Variants in INPP4B observed in about 807,000 individuals in gnomAD.
INPP4B encodes inositol polyphosphate 4-phosphatase type II.
Under a neutral mutation model 122.5 loss-of-function variants are expected in INPP4B, and 55 were observed. The ratio of observed to expected loss-of-function variants is 0.45; its 90% confidence interval spans 0.36 to 0.56. The LOEUF (loss-of-function observed/expected upper bound fraction) is 0.56, where lower values mean the gene tolerates loss of function less well. Among genes scored for constraint, INPP4B ranks in the 20% least tolerant of loss-of-function variants. The probability of loss-of-function intolerance (pLI) is 0.00; values close to 1 mark genes in which losing one functional copy is unlikely to be tolerated. For synonymous variants in INPP4B, 403 were observed against 388.7 expected (o/e 1.04, Z -0.43); for missense variants, 1,000 against 1,097.7 (o/e 0.91, Z 1.26).
At chr4:142,233,944 C>T (rs1030449261) in intron 12 of INPP4B, among the ~76,000 whole-genome samples, 5 of 152,048 alleles carry the variant, frequency 3.3e-5, no homozygotes, top group Admixed American at 1.3e-4. Context: ...GTAAGTACAT[C>T]AGCTTCGTCC....
chr4:142,582,195 C>CA (rs397717604), intron 2 of INPP4B, among the ~76,000 whole-genome samples: 78,625 of 140,846 alleles, frequency 0.56, 24,601 homozygotes, highest in East Asian at 0.77. Context: ...CTAATGGATA[C>CA]AAAAAAAAAA....
chr4:142,282,291 T>C (rs1025148366), intron 9 of INPP4B, among the ~76,000 whole-genome samples: 1 of 152,156 alleles, frequency 6.6e-6, no homozygotes, highest in African/African-American at 2.4e-5. Flanking sequence ...GAATCCTGGT[T>C]ACCCTATTTG....
intron 2 of INPP4B, among the ~76,000 whole-genome samples, chr4:142,629,369 A>G (rs1747387356): frequency 6.6e-6 from 1 of 152,116 alleles, no homozygotes. Context: ...ATTGGAGTTG[A>G]TCATAGTTTG....
intron 3 of INPP4B, among the ~76,000 whole-genome samples, chr4:142,461,090 T>G (rs926986664): frequency 3.3e-5 from 5 of 152,122 alleles, no homozygotes; most frequent in African/African-American, 1.2e-4. Context: ...GAAGATCACC[T>G]GATCCTGGGA....
At chr4:142,266,301 T>C (rs1019863173) in intron 10 of INPP4B, among the ~76,000 whole-genome samples, 2 of 152,142 alleles carry the variant, frequency 1.3e-5, no homozygotes, top group African/African-American at 4.8e-5. Flanking sequence ...ATGGCCCTGA[T>C]ATTAGTTAAT....
chr4:142,228,685 G>T (rs1450985355), intron 12 of INPP4B, among the ~76,000 whole-genome samples: 1 of 151,314 alleles, frequency 6.6e-6, no homozygotes, highest in Non-Finnish European at 1.5e-5. Context: ...AAGTACAATA[G>T]AAAAAATACA....
rs1239143889 is a variant in INPP4B, at chr4:142,142,673, C to T, written c.1720+3167G>A. ...TCATCAGAAGGACACAGAAATCAAT[C>T]TGAATAAGAGAGAACAACTTGAGTC... On this transcript the variant is annotated intron_variant, in intron 18 of 25. Transcript: ENST00000262992. Among the ~76,000 whole-genome samples the T allele has an allele frequency of 3.9e-5, 6 of 151,992 alleles. No homozygotes were observed. The East Asian group carries it at 1.2e-3, about 29-fold the overall frequency.
At chr4:142,070,166 G>A (rs563291351) in intron 25 of INPP4B, among the ~76,000 whole-genome samples, 8 of 152,192 alleles carry the variant, frequency 5.3e-5, no homozygotes, top group African/African-American at 1.9e-4. Flanking sequence ...TCCCTGGGAT[G>A]CAAGGCTGGT....
At chr4:142,504,035 G>A (rs1823707942) in intron 2 of INPP4B, among the ~76,000 whole-genome samples, 1 of 151,976 alleles carries the variant, frequency 6.6e-6, no homozygotes, top group African/African-American at 2.4e-5. Context: ...AGACAAAATT[G>A]GAATCCCATA....
At chr4:142,205,387 C>G (rs1842223489) in intron 14 of INPP4B, among the ~76,000 whole-genome samples, 1 of 152,122 alleles carries the variant, frequency 6.6e-6, no homozygotes, top group African/African-American at 2.4e-5. Context: ...TTCCATCAGT[C>G]AGTAAGTATT....
At chr4:142,208,697 T>C (rs575131783) in intron 13 of INPP4B, among the ~76,000 whole-genome samples, 168 bp from the exon 14 acceptor site, 2 of 152,294 alleles carry the variant, frequency 1.3e-5, no homozygotes, top group Admixed American at 1.3e-4. Flanking sequence ...AAAAATTGTC[T>C]CAATTATTCA....
intron 3 of INPP4B, among the ~76,000 whole-genome samples, chr4:142,436,080 G>A (rs1390737311): frequency 6.6e-6 from 1 of 152,194 alleles, no homozygotes; most frequent in South Asian, 2.1e-4. Context: ...AGCCAGGGAG[G>A]CTGGACGACT....
chr4:142,034,656 C>T (rs889312937), intron 25 of INPP4B, among the ~76,000 whole-genome samples: 6 of 152,104 alleles, frequency 3.9e-5, no homozygotes, highest in African/African-American at 1.4e-4. Flanking sequence ...TCAAGAGTCA[C>T]ACCGGACCCC....
intron 5 of INPP4B, among the ~76,000 whole-genome samples, chr4:142,411,678 G>C (rs1171744680): frequency 6.6e-6 from 1 of 152,110 alleles, no homozygotes; most frequent in African/African-American, 2.4e-5. Context: ...GATCACTTGA[G>C]GTCAGAAGTT....
chr4:142,286,085 G>A (rs1193074452), intron 9 of INPP4B, among the ~76,000 whole-genome samples: 1 of 152,030 alleles, frequency 6.6e-6, no homozygotes, highest in Admixed American at 6.6e-5. Context: ...GTTAAAAGGA[G>A]GAAAAGTAAT....
At chr4:142,198,968 A>G (rs1839572629) in intron 14 of INPP4B, among the ~76,000 whole-genome samples, 1 of 151,858 alleles carries the variant, frequency 6.6e-6, no homozygotes, top group Non-Finnish European at 1.5e-5. Flanking sequence ...CTACATAGAG[A>G]TCTTTGTGTA....
intron 11 of INPP4B, among the ~76,000 whole-genome samples, chr4:142,247,769 GT>G (rs1211511617): frequency 1.3e-5 from 2 of 152,026 alleles, no homozygotes; most frequent in Non-Finnish European, 2.9e-5. Context: ...TTTTGGAAGG[GT>G]TTTTTGTGTC....
At chr4:142,492,020 A>G (rs1191557269) in intron 2 of INPP4B, among the ~76,000 whole-genome samples, 1 of 152,078 alleles carries the variant, frequency 6.6e-6, no homozygotes, top group Non-Finnish European at 1.5e-5. Flanking sequence ...ACCTGGTGGG[A>G]GGTAACTGAA....
At chr4:142,392,389 A>G (rs1341726409) in intron 7 of INPP4B, among the ~76,000 whole-genome samples, 2 of 152,300 alleles carry the variant, frequency 1.3e-5, no homozygotes, top group Non-Finnish European at 2.9e-5. Context: ...CACTTATGGC[A>G]TATACTTTTA....
Sources: allele counts gnomAD v4.1 joint callset (sites outside exome capture counted in the v4.1 genomes callset), GRCh38; gene constraint gnomAD v4.1.1; transcripts MANE v1.5; gene names NCBI Gene and HGNC (gene_info 2026-07-23, HGNC 2026-07-21).